XXYLT1: variants seen among roughly 807,000 people sequenced by gnomAD.
XXYLT1 encodes xyloside xylosyltransferase 1.
A neutral mutation model predicts 28.9 loss-of-function variants in XXYLT1; 20 were observed. The ratio of observed to expected loss-of-function variants is 0.69; its 90% confidence interval spans 0.49 to 1.00. The LOEUF is 1.00. Ranked by LOEUF, XXYLT1 falls within the 50% of genes least tolerant of loss-of-function variation. The pLI, the probability that XXYLT1 is intolerant of heterozygous loss-of-function variation, is 0.00. For missense variants in XXYLT1, 542 were observed against 560.1 expected (o/e 0.97, Z 0.33); for synonymous variants, 257 against 253.8 (o/e 1.01, Z -0.12).
chr3:195,165,640 T>G (rs368333626), intron 2 of XXYLT1, among the ~76,000 whole-genome samples: 2 of 152,228 alleles, frequency 1.3e-5, no homozygotes, highest in South Asian at 2.1e-4. Context: ...TGTGACAGTT[T>G]GCAAACTGAC....
At chr3:195,175,658 A>G (rs963098486) in intron 2 of XXYLT1, 3 of 1,536,066 alleles carry the variant, frequency 2.0e-6, no homozygotes, top group Non-Finnish European at 2.6e-6. Context: ...GGATCCTTGC[A>G]GCGAGGTGGC....
chr3:195,125,367 C>G (rs58434965), intron 3 of XXYLT1, among the ~76,000 whole-genome samples: 34,146 of 152,210 alleles, frequency 0.22, 4,391 homozygotes, highest in East Asian at 0.56. Flanking sequence ...CCTTCCATTG[C>G]GGGGCTGGAG....
At chr3:195,269,025 A>T (rs912724520) in intron 1 of XXYLT1, among the ~76,000 whole-genome samples, 1 of 152,218 alleles carries the variant, frequency 6.6e-6, no homozygotes, top group African/African-American at 2.4e-5. Flanking sequence ...CAAGACTTGG[A>T]GATGGAGAGA....
chr3:195,241,436 T>A, intron 1 of XXYLT1, among the ~76,000 whole-genome samples: 1 of 152,166 alleles, frequency 6.6e-6, no homozygotes, highest in Non-Finnish European at 1.5e-5. Flanking sequence ...TGGGCAGAGC[T>A]ACACTACCTA....
At chr3:195,085,504 G>T (rs956362597) in intron 3 of XXYLT1, among the ~76,000 whole-genome samples, 1 of 152,194 alleles carries the variant, frequency 6.6e-6, no homozygotes, top group African/African-American at 2.4e-5. Context: ...CGCGGTGGGA[G>T]GGGGGAGTCC....
At chr3:195,108,751 T>C (rs1414300143) in intron 3 of XXYLT1, among the ~76,000 whole-genome samples, 1 of 152,150 alleles carries the variant, frequency 6.6e-6, no homozygotes. Context: ...ATAGAAAAGG[T>C]ACAGTAATAA....
chr3:195,131,299 G>A (rs1032633471), intron 3 of XXYLT1, among the ~76,000 whole-genome samples: 8 of 152,222 alleles, frequency 5.3e-5, no homozygotes, highest in African/African-American at 1.9e-4. Flanking sequence ...TCATGAAAGG[G>A]ACAGGTGATC....
chr3:195,098,517 C>T (rs940795395), intron 3 of XXYLT1, among the ~76,000 whole-genome samples: 1 of 152,236 alleles, frequency 6.6e-6, no homozygotes, highest in African/African-American at 2.4e-5. Context: ...CGTGCCACTG[C>T]ACTCCAGCCT....
At chr3:195,265,061 CAA>C (rs796185827) in intron 1 of XXYLT1, among the ~76,000 whole-genome samples, 18 of 138,728 alleles carry the variant, frequency 1.3e-4, no homozygotes, top group East Asian at 2.1e-4. Context: ...AACCCTATCT[CAA>C]AAAAAAAAAA....
intron 3 of XXYLT1, among the ~76,000 whole-genome samples, chr3:195,141,607 A>G (rs1206204041): frequency 3.3e-5 from 5 of 152,042 alleles, no homozygotes; most frequent in Non-Finnish European, 7.4e-5. Context: ...ATGAGGCCAC[A>G]CTCTTAACCG....
chr3:195,079,577 A>T (rs1223311247), intron 3 of XXYLT1, among the ~76,000 whole-genome samples: 4 of 152,176 alleles, frequency 2.6e-5, no homozygotes, highest in African/African-American at 9.7e-5. Flanking sequence ...TATGATTTCC[A>T]TGTTCTAGAT....
chr3:195,209,453 TC>T lies in XXYLT1; in HGVS notation c.652+17255del. ...TACAGAAACGTTCCGGCTCTTGCCA[TC>T]TCAGCCACATCAGGCCCGACTTAGG... On this transcript the variant is annotated intron_variant, in intron 2 of 3. Transcript: ENST00000310380. The surrounding 1 kb of genome is among the most constrained non-coding windows in gnomAD (Gnocchi z 5.0). 1 of 152,508 alleles carries T rather than the reference TC, an allele frequency of 6.6e-6. No homozygotes were observed. Among genetic ancestry groups the T allele is most frequent in the Non-Finnish European group, 1.5e-5 (1 of 68,190 alleles). The allele number at this position is 152,508 out of a possible 1,614,324, so 9.4% of individuals were successfully genotyped here.
chr3:195,110,448 A>ATGTGTGCGGGTGTGTGATGTAT (rs139873086), intron 3 of XXYLT1, among the ~76,000 whole-genome samples: 1 of 77,984 alleles, frequency 1.3e-5, no homozygotes, highest in African/African-American at 5.2e-5. Context: ...TATGTGGTGT[A>ATGTGTGCGGGTGTGTGATGTAT]AAGTGTGTGT....
intron 3 of XXYLT1, among the ~76,000 whole-genome samples, chr3:195,107,294 C>A (rs151316285): frequency 1.3e-5 from 2 of 151,006 alleles, no homozygotes; most frequent in African/African-American, 4.9e-5. Context: ...ACCAAGATGG[C>A]GAAACCTCGC....
chr3:195,162,945 C>T (rs138750137), intron 2 of XXYLT1, among the ~76,000 whole-genome samples: 1 of 152,284 alleles, frequency 6.6e-6, no homozygotes, highest in Non-Finnish European at 1.5e-5. Flanking sequence ...ATGGTCCCTG[C>T]TGGCCTTTCC....
chr3:195,163,346 T>C (rs1466101769), intron 2 of XXYLT1, among the ~76,000 whole-genome samples: 3 of 152,198 alleles, frequency 2.0e-5, no homozygotes, highest in Admixed American at 1.3e-4. Context: ...TGCCACCTTA[T>C]GGATTCAGTC....
At position 195,110,370 on chromosome 3, in the gene XXYLT1, T is replaced by C. The variant is rs367733251; in HGVS notation, c.786-40259A>G. On this transcript the variant is annotated intron_variant, in intron 3 of 3. Coordinates refer to ENST00000310380, the MANE Select transcript of XXYLT1 (RefSeq NM_152531.5). The stretch of plus-strand genomic sequence containing the variant: ...GGTGTGTGGTGTATGTGCGTGCGTG[T>C]GTGCTGTATAAGTGTGTGTGGTGTG... 2.1e-4 allele frequency among the ~76,000 whole-genome samples: 20 copies of C among 93,424 alleles called. 4 individuals carry two copies. The East Asian group carries it at 4.7e-3, about 22-fold the overall frequency. The allele number at this position is 93,424 out of a possible 152,430, so 61.3% of individuals were successfully genotyped here. A position where few individuals can be genotyped will look rare whatever the true frequency, so the allele number is the denominator to read the frequency against.
intron 3 of XXYLT1, among the ~76,000 whole-genome samples, chr3:195,134,778 C>T (rs1271355074): frequency 6.6e-6 from 1 of 151,890 alleles, no homozygotes; most frequent in Non-Finnish European, 1.5e-5. Flanking sequence ...AGAGAGGAAA[C>T]GCTTTCCATC....
At chr3:195,164,195 C>T (rs58765064) in intron 2 of XXYLT1, among the ~76,000 whole-genome samples, 3,116 of 152,202 alleles carry the variant, frequency 0.02, 113 homozygotes, top group African/African-American at 0.069. Flanking sequence ...AAATAGAGGC[C>T]CAAAGAGATT....
Sources: allele counts gnomAD v4.1 joint callset (sites outside exome capture counted in the v4.1 genomes callset), GRCh38; gene constraint gnomAD v4.1.1; non-coding constraint Gnocchi (gnomAD v3.1); transcripts MANE v1.5; gene names NCBI Gene and HGNC (gene_info 2026-07-23, HGNC 2026-07-21).